Variants in PLXNB2 observed in about 807,000 individuals in gnomAD.
PLXNB2 encodes plexin B2, also known as plexin-B2.
In PLXNB2, 85 loss-of-function variants were observed where a neutral mutation model predicts 202.6. That is an observed-to-expected ratio of 0.42 (90% CI 0.35 to 0.50). The LOEUF is 0.50. Ranked by LOEUF, PLXNB2 falls within the 20% of genes least tolerant of loss-of-function variation. PLXNB2 has a pLI of 0.02. For synonymous variants in PLXNB2, 1,239 were observed against 1,137.6 expected, an observed-to-expected ratio of 1.09 and a Z score of -1.79; for missense variants, 2,063 against 2,586.2, an observed-to-expected ratio of 0.80 and a Z score of 4.39.
chr22:50,294,706 G>A lies in PLXNB2; in HGVS notation c.-14+13C>T. 1 of 982,818 alleles carries A rather than the reference G, an allele frequency of 1.0e-6. No individual in the cohort carries two copies. The highest frequency in any genetic ancestry group is 1.2e-6 in the Non-Finnish European group (1 of 827,488). The allele number at this position is 982,818 out of a possible 1,614,324, so 60.9% of individuals were successfully genotyped here. A position where few individuals can be genotyped will look rare whatever the true frequency, so the allele number is the denominator to read the frequency against. ...CCCAGCCACCCACTGCCTTTCCCAG[G>A]TGGGGTACAGACCCCTCACCGAGGC... On this transcript the variant is annotated intron_variant, in intron 2 of 36. Transcript: ENST00000359337.
In PLXNB2 at chr22:50,284,905, C is replaced by T. The variant is rs2066307662; in HGVS notation, c.2089-240G>A. ...GTTTCCCACGGCCACCTCCACCACT[C>T]ATCCACACCTGAGAACATCGCCCGG... On this transcript the variant is annotated intron_variant, in intron 11 of 36. Transcript: ENST00000359337. The surrounding 1 kb of genome is among the most constrained non-coding windows in gnomAD (Gnocchi z 8.0). The T allele has an allele frequency of 1.5e-6, 1 of 646,450 alleles. No homozygotes were observed. The highest frequency in any genetic ancestry group is 2.9e-6 in the Non-Finnish European group (1 of 339,500). 40.0% of individuals were successfully genotyped at this position (646,450 alleles called of 1,614,324 possible).
rs1274952446 is a variant in PLXNB2, at chr22:50,278,627, C to T, written c.4616G>A (p.Trp1539Ter). The T allele has an allele frequency of 6.2e-7, 1 of 1,613,042 alleles. No individual in the cohort carries two copies. Among genetic ancestry groups the T allele is most frequent in the South Asian group, 1.1e-5 (1 of 91,048 alleles). Residue 1539 changes from tryptophan to a stop codon, truncating the protein, a stop_gained, in exon 29 of 37, where the codon TGG (tryptophan) becomes TAG (stop). Transcript: ENST00000359337. LOFTEE classifies it high-confidence loss of function. ...GTGCATAAGGGTGTTGACGCGCTTC[C>T]ACCGGCCCTCCCGCTGTGACGTCAG... Reference protein sequence around the residue: ...LDLTSQREGRWKRVNTLMHYN... With the variant: ...LDLTSQREGR
intron 8 of PLXNB2, among the ~76,000 whole-genome samples, chr22:50,286,810 C>T (rs1199442420): frequency 6.6e-5 from 10 of 152,288 alleles, no homozygotes; most frequent in African/African-American, 1.4e-4. Context: ...TCTGCCGAGA[C>T]GACGGGGCCT....
At position 50,288,547 on chromosome 22, in the gene PLXNB2, G is replaced by A. The variant is rs553857408; in HGVS notation, c.1380+196C>T. 2.6e-5 allele frequency among the ~76,000 whole-genome samples: 4 copies of A among 152,176 alleles called. No homozygotes were observed. Among genetic ancestry groups the A allele is most frequent in the South Asian group, 4.1e-4 (2 of 4,820 alleles). On this transcript the variant is annotated intron_variant, in intron 5 of 36. Transcript: ENST00000359337. This position sits in a 1 kb window ranked among gnomAD's most constrained non-coding sequence, Gnocchi z 5.0. ...GACAAACAGAAGGAGCGGCAGAGAC[G>A]GGGCAGTGCTAGAGAGACACAGGAT...
At chr22:50,298,193 G>C (rs1402450721) in intron 1 of PLXNB2, among the ~76,000 whole-genome samples, 1 of 152,232 alleles carries the variant, frequency 6.6e-6, no homozygotes, top group Non-Finnish European at 1.5e-5. Context: ...ACCTGTCCCC[G>C]CAGGTCACCC....
At chr22:50,295,306 C>CAAA (rs760999233) in intron 1 of PLXNB2, among the ~76,000 whole-genome samples, 4 of 84,752 alleles carry the variant, frequency 4.7e-5, no homozygotes, top group Non-Finnish European at 4.5e-5. Flanking sequence ...GACTTCGTCT[C>CAAA]AAAAAAAAAA....
intron 21 of PLXNB2, 21 bp downstream of exon 21, chr22:50,281,545 C>G (rs758367672): frequency 6.2e-7 from 1 of 1,607,656 alleles, no homozygotes; most frequent in Non-Finnish European, 8.5e-7. Context: ...GGGCACCCCC[C>G]GCCAGTCCCC....
At chr22:50,296,032 G>A (rs2147632276) in intron 1 of PLXNB2, among the ~76,000 whole-genome samples, 1 of 152,208 alleles carries the variant, frequency 6.6e-6, no homozygotes, top group East Asian at 1.9e-4. Context: ...AACCTGGGAG[G>A]TGGAGGTTGC....
chr22:50,278,631 G>A lies in PLXNB2; in HGVS notation c.4612C>T (p.Arg1538Trp), dbSNP rs182970183. The change falls in exon 29 of 37, where the codon CGG becomes TGG. Residue 1538 changes from arginine to tryptophan, a missense_variant. Physicochemically the swap from Arg to Trp is moderately radical, Grantham distance 101. This residue lies in a region of PLXNB2 where 760 missense variants were observed against 1,109.4 expected (regional missense o/e 0.69). Coordinates refer to ENST00000359337, the MANE Select transcript of PLXNB2 (RefSeq NM_012401.4). ...DLDLTSQREG[R>W]WKRVNTLMHY... Reference sequence around the variant, plus strand: ...ATAAGGGTGTTGACGCGCTTCCACCGGCCCTCCCGCTGTGACGTCAGGTCC... The same window carrying A: ...ATAAGGGTGTTGACGCGCTTCCACCAGCCCTCCCGCTGTGACGTCAGGTCC... The A allele has an allele frequency of 1.3e-4, 210 of 1,612,930 alleles. No individual in the cohort carries two copies. The East Asian group carries it at 4.1e-3, about 32-fold the overall frequency.
intron 1 of PLXNB2, among the ~76,000 whole-genome samples, chr22:50,304,756 C>T (rs981196905): frequency 5.5e-5 from 8 of 146,754 alleles, no homozygotes; most frequent in Non-Finnish European, 1.5e-5. Context: ...ACAGCCACTA[C>T]CCCTGAGGGA....
chr22:50,302,684 C>T (rs867897713), intron 1 of PLXNB2, among the ~76,000 whole-genome samples: 2 of 152,168 alleles, frequency 1.3e-5, no homozygotes, highest in Admixed American at 6.5e-5. Flanking sequence ...CCCCTCAGCT[C>T]CCCTGGCCAA....
At chr22:50,278,400 G>T in intron 30 of PLXNB2, 35 bp downstream of exon 30, 1 of 1,559,874 alleles carries the variant, frequency 6.4e-7, no homozygotes. Flanking sequence ...GACCACCAGG[G>T]GCTGGAAGGA....
At chr22:50,293,312 T>G (rs1163723045) in intron 2 of PLXNB2, among the ~76,000 whole-genome samples, 1 of 152,036 alleles carries the variant, frequency 6.6e-6, no homozygotes, top group Admixed American at 6.5e-5. Context: ...CCACAGCCCA[T>G]GGCCCTACCA....
Position 50,284,155 on chromosome 22 carries a change from T to G in PLXNB2, c.2240A>C (p.Lys747Thr). 6.2e-7 allele frequency: 1 copy of G among 1,609,714 alleles called. No homozygotes were observed. ...PLHLYVKSYGKNIDSKLHVTL... is the reference protein window; with the variant it reads ...PLHLYVKSYGTNIDSKLHVTL... Reference sequence around the variant, plus strand: ...ACCATGGAGCTTGCTGTCGATATTCTTGCCGTAAGACTTGACGTAGAGGTG... The same window carrying G: ...ACCATGGAGCTTGCTGTCGATATTCGTGCCGTAAGACTTGACGTAGAGGTG... The change falls in exon 13 of 37, where the codon AAG (lysine) becomes ACG (threonine). Residue 747 changes from lysine (K) to threonine (T), a missense_variant. Transcript: ENST00000359337. The surrounding 1 kb of genome is among the most constrained non-coding windows in gnomAD (Gnocchi z 8.0).
chr22:50,287,283 C>T lies in PLXNB2; in HGVS notation c.1609-19G>A, dbSNP rs544686950. On this transcript the variant is annotated intron_variant, in intron 7 of 36. Transcript: ENST00000359337. ...GCTGCACCTGAGGGAGGGGCCGTGC[C>T]GCTCACACTGGGAACCCCGAGTCCT... is the stretch of plus-strand genomic sequence containing the variant. 13 of 1,467,428 alleles carry T rather than the reference C, an allele frequency of 8.9e-6. No individual in the cohort carries two copies. The South Asian group carries it at 1.3e-4, about 14-fold the overall frequency. The allele number at this position is 1,467,428 out of a possible 1,614,324, so 90.9% of individuals were successfully genotyped here. A position where few individuals can be genotyped will look rare whatever the true frequency, so the allele number is the denominator to read the frequency against.
intron 24 of PLXNB2, 30 bp downstream of exon 24, chr22:50,280,714 G>GCCCAACCC: frequency 5.2e-6 from 8 of 1,528,824 alleles, no homozygotes; most frequent in South Asian, 1.2e-5. Context: ...CCACCTGTGT[G>GCCCAACCC]CCCTCCCGCC....
intron 1 of PLXNB2, among the ~76,000 whole-genome samples, chr22:50,304,530 TG>T (rs201157003): frequency 0.014 from 2,109 of 152,070 alleles, 36 homozygotes; most frequent in East Asian, 0.081. Flanking sequence ...TCCAGGGGTA[TG>T]GGAAGAAGCA....
intron 7 of PLXNB2, 69 bp from the exon 8 acceptor site, chr22:50,287,333 A>C: frequency 7.0e-7 from 1 of 1,429,976 alleles, no homozygotes; most frequent in Non-Finnish European, 9.3e-7. Flanking sequence ...CGGTGACCCG[A>C]CCTCCCTGCG....
At chr22:50,300,417 G>T in intron 1 of PLXNB2, 2 of 672,572 alleles carry the variant, frequency 3.0e-6, no homozygotes, top group Non-Finnish European at 3.7e-6. Flanking sequence ...GGCCCCTCCC[G>T]GCCCAGCTGC....
Sources: allele counts gnomAD v4.1 joint callset (sites outside exome capture counted in the v4.1 genomes callset), GRCh38; gene constraint gnomAD v4.1.1; regional missense constraint gnomAD v4.1.1; non-coding constraint Gnocchi (gnomAD v3.1); transcripts MANE v1.5; gene names NCBI Gene and HGNC (gene_info 2026-07-23, HGNC 2026-07-21).